TACC1: variants seen among roughly 807,000 people sequenced by gnomAD.
The protein encoded by TACC1 is transforming acidic coiled-coil-containing protein 1.
In TACC1, 48 loss-of-function variants were observed where a neutral mutation model predicts 84.4. The ratio of observed to expected loss-of-function variants is 0.57; its 90% CI spans 0.45 to 0.72. The LOEUF (loss-of-function observed/expected upper bound fraction) is 0.72. TACC1 is among the 30% of genes least tolerant of loss of function. The probability of loss-of-function intolerance (pLI) is 0.00; values close to 1 mark genes in which losing one functional copy is unlikely to be tolerated. For missense variants in TACC1, 920 were observed against 973.0 expected, an observed-to-expected ratio of 0.95 and a Z score of 0.72; for synonymous variants, 372 against 376.3, an observed-to-expected ratio of 0.99 and a Z score of 0.13.
chr8:38,728,985 C>T, intron 1 of TACC1, among the ~76,000 whole-genome samples: 1 of 151,932 alleles, frequency 6.6e-6, no homozygotes. Flanking sequence ...TTTCTCTTTC[C>T]TTTTCTTTTC....
intron 1 of TACC1, among the ~76,000 whole-genome samples, chr8:38,737,309 C>T (rs1806154382): frequency 6.6e-6 from 1 of 152,172 alleles, no homozygotes; most frequent in Non-Finnish European, 1.5e-5. Context: ...TACTGAAAGG[C>T]AGTGGGAATG....
chr8:38,778,783 C>T (rs947296885), intron 3 of TACC1, among the ~76,000 whole-genome samples: 9 of 152,150 alleles, frequency 5.9e-5, no homozygotes, highest in African/African-American at 1.9e-4. Flanking sequence ...TCCTGGGTGT[C>T]ATTTCCCTCA....
In TACC1 at chr8:38,787,357, T is replaced by A. The variant is rs1817473296; in HGVS notation, c.-226T>A. On this transcript the variant is annotated 5_prime_UTR_variant, in exon 1 of 13. Coordinates refer to ENST00000317827, the MANE Select transcript of TACC1 (RefSeq NM_006283.3). ...TAGTGGAGCCCGGCGCGGGGCCCGC[T>A]GCGGCCGCACCGTGAGGGGAGGAGG... 20 of 1,309,128 alleles carry A rather than the reference T, an allele frequency of 1.5e-5. No individual in the cohort carries two copies. Among genetic ancestry groups the A allele is most frequent in the Non-Finnish European group, 1.8e-5 (19 of 1,033,190 alleles). 81.1% of individuals were successfully genotyped at this position (1,309,128 alleles called of 1,614,324 possible).
chr8:38,771,399 G>A (rs973701533), intron 3 of TACC1, among the ~76,000 whole-genome samples: 1 of 152,148 alleles, frequency 6.6e-6, no homozygotes, highest in Admixed American at 6.5e-5. Context: ...GACACCATAC[G>A]CTCCTGAGGT....
chr8:38,835,591 G>C (rs1225003760), intron 6 of TACC1, among the ~76,000 whole-genome samples: 2 of 152,260 alleles, frequency 1.3e-5, no homozygotes, highest in Non-Finnish European at 2.9e-5. Flanking sequence ...CGGAGCAGCG[G>C]AAGTTCAGGA....
chr8:38,748,588 AAT>A (rs972405199), intron 3 of TACC1, among the ~76,000 whole-genome samples: 1 of 152,182 alleles, frequency 6.6e-6, no homozygotes, highest in African/African-American at 2.4e-5. Flanking sequence ...GTTGAAATCA[AAT>A]AGTTTGTTCT....
intron 3 of TACC1, among the ~76,000 whole-genome samples, chr8:38,756,324 G>C (rs1290022185): frequency 6.6e-6 from 1 of 152,106 alleles, no homozygotes; most frequent in Non-Finnish European, 1.5e-5. Context: ...GTTCTAGCAA[G>C]GGAGACAGGC....
intron 6 of TACC1, among the ~76,000 whole-genome samples, chr8:38,831,958 C>T (rs191090719): frequency 1.3e-5 from 2 of 152,258 alleles, no homozygotes; most frequent in East Asian, 1.9e-4. Flanking sequence ...AGGCATGCGC[C>T]ACCACGCCCA....
At chr8:38,830,597 A>G (rs981477294) in intron 5 of TACC1, among the ~76,000 whole-genome samples, 7 of 151,944 alleles carry the variant, frequency 4.6e-5, no homozygotes, top group Non-Finnish European at 7.4e-5. Context: ...GTCATCCTCT[A>G]CCCTAGTAGA....
At chr8:38,778,050 G>C (rs544677318) in intron 3 of TACC1, among the ~76,000 whole-genome samples, 1 of 152,334 alleles carries the variant, frequency 6.6e-6, no homozygotes, top group South Asian at 2.1e-4. Flanking sequence ...GAAATTCAAA[G>C]AGTAGAGGTG....
chr8:38,785,322 ATTTT>A (rs1013784648), upstream of TACC1, among the ~76,000 whole-genome samples: 2 of 152,132 alleles, frequency 1.3e-5, no homozygotes, highest in African/African-American at 4.8e-5. Flanking sequence ...GGCAATTTGG[ATTTT>A]TTTAAGAAGG....
chr8:38,788,585 C>A, intron 1 of TACC1, 119 bp from the exon 2 acceptor site: 1 of 756,782 alleles, frequency 1.3e-6, no homozygotes, highest in Non-Finnish European at 2.2e-6. Context: ...TGCTGAGGAC[C>A]GGTTGGTTGT....
intron 3 of TACC1, among the ~76,000 whole-genome samples, chr8:38,750,902 G>A (rs1313623226): frequency 6.6e-5 from 10 of 151,988 alleles, no homozygotes; most frequent in Non-Finnish European, 1.5e-4. Context: ...CACGAAAATC[G>A]TAACTTTTTT....
intron 2 of TACC1, among the ~76,000 whole-genome samples, chr8:38,810,719 C>T (rs181491373): frequency 6.6e-5 from 10 of 152,260 alleles, no homozygotes; most frequent in Admixed American, 1.3e-4. Flanking sequence ...GTGTGAATTA[C>T]GATGATCACA....
chr8:38,788,981 G>A (rs1817997958), intron 2 of TACC1, among the ~76,000 whole-genome samples, 162 bp downstream of exon 2: 2 of 152,172 alleles, frequency 1.3e-5, no homozygotes, highest in Non-Finnish European at 2.9e-5. Flanking sequence ...GGGGTGTGGT[G>A]ATCGAGGCTT....
chr8:38,733,493 A>G (rs867345387), intron 1 of TACC1, among the ~76,000 whole-genome samples: 2 of 152,264 alleles, frequency 1.3e-5, no homozygotes, highest in African/African-American at 4.8e-5. Flanking sequence ...GCCAAATGCC[A>G]CTGTAGTTAT....
intron 3 of TACC1, among the ~76,000 whole-genome samples, chr8:38,762,603 C>T (rs536183218): frequency 2.6e-5 from 4 of 151,360 alleles, no homozygotes; most frequent in Non-Finnish European, 5.9e-5. Context: ...GCCACTGATG[C>T]TGGAGTACAG....
At chr8:38,825,180 A>ATGTATGATTTGTGTGGTGC in intron 3 of TACC1, 128 bp from the exon 4 acceptor site, 1 of 936,080 alleles carries the variant, frequency 1.1e-6, no homozygotes, top group Non-Finnish European at 1.7e-6. Context: ...TCCTGCGGCG[A>ATGTATGATTTGTGTGGTGC]TGTATGATTT....
At chr8:38,831,291 T>G in intron 6 of TACC1, 114 bp downstream of exon 6, 1 of 1,036,240 alleles carries the variant, frequency 9.7e-7, no homozygotes, top group East Asian at 2.5e-5. Context: ...GGATAAAATG[T>G]AAATGAGATA....
Sources: gnomAD v4.1 joint callset for allele counts (sites outside exome capture counted in the v4.1 genomes callset) on GRCh38, gnomAD v4.1.1 for gene constraint, MANE v1.5 for transcripts, NCBI Gene and HGNC (gene_info 2026-07-23, HGNC 2026-07-21) for gene names.